The following PCDHA1 variants were observed in gnomAD, a reference collection of about 807,000 sequenced individuals.
The protein encoded by PCDHA1 is protocadherin alpha-1.
Under a neutral mutation model 61.3 loss-of-function variants are expected in PCDHA1, and 42 were observed. The ratio of observed to expected loss-of-function variants is 0.69; its 90% CI spans 0.54 to 0.89. The LOEUF (loss-of-function observed/expected upper bound fraction) is 0.89, where lower values mean the gene tolerates loss of function less well. Ranked by LOEUF, PCDHA1 falls within the 40% of genes least tolerant of loss-of-function variation. The probability of loss-of-function intolerance (pLI) is 0.00; values close to 1 mark genes in which losing one functional copy is unlikely to be tolerated. For synonymous variants in PCDHA1, 610 were observed against 553.8 expected, an observed-to-expected ratio of 1.10 and a Z score of -1.43; for missense variants, 1,256 against 1,235.3, an observed-to-expected ratio of 1.02 and a Z score of -0.25.
chr5:140,999,144 G>A (rs2097848915), intron 3 of PCDHA1, among the ~76,000 whole-genome samples: 1 of 152,200 alleles, frequency 6.6e-6, no homozygotes, highest in Non-Finnish European at 1.5e-5. Context: ...ACAGCCGGAA[G>A]TCTTCAGTCC....
At chr5:140,897,863 T>C (rs1432232591) in intron 1 of PCDHA1, among the ~76,000 whole-genome samples, 6 of 152,206 alleles carry the variant, frequency 3.9e-5, no homozygotes, top group Admixed American at 3.9e-4. Flanking sequence ...GTTTCCTGAC[T>C]TTTTAATGAT....
chr5:140,847,295 C>G (rs1780942719), intron 1 of PCDHA1, among the ~76,000 whole-genome samples: 1 of 149,718 alleles, frequency 6.7e-6, no homozygotes, highest in Non-Finnish European at 1.5e-5. Flanking sequence ...AACTCAGAAG[C>G]TCCTGCAGTA....
intron 3 of PCDHA1, among the ~76,000 whole-genome samples, chr5:141,000,775 C>G (rs919489031): frequency 5.3e-5 from 8 of 151,752 alleles, no homozygotes; most frequent in African/African-American, 1.9e-4. Context: ...GGCATAGTGG[C>G]GCACACCTGT....
intron 1 of PCDHA1, among the ~76,000 whole-genome samples, chr5:140,846,908 T>C (rs991688618): frequency 6.7e-6 from 1 of 149,590 alleles, no homozygotes; most frequent in Admixed American, 6.7e-5. Flanking sequence ...TGAAAGACAA[T>C]CATTTCCTAT....
intron 1 of PCDHA1, among the ~76,000 whole-genome samples, chr5:140,899,097 T>A (rs1160754058): frequency 2.0e-5 from 3 of 151,826 alleles, no homozygotes; most frequent in Non-Finnish European, 4.4e-5. Flanking sequence ...TGGGCTGAGA[T>A]AATGGGGTTT....
intron 1 of PCDHA1, among the ~76,000 whole-genome samples, chr5:140,973,724 G>T (rs1272606867): frequency 6.6e-6 from 1 of 152,176 alleles, no homozygotes; most frequent in Non-Finnish European, 1.5e-5. Context: ...CATCACATGG[G>T]CATCTGGTCT....
rs149448038 is a variant in PCDHA1 at position 140,843,600 on chromosome 5, C to T, written c.2394+54916C>T. On this transcript the variant is annotated intron_variant, in intron 1 of 3. Coordinates refer to ENST00000504120, the MANE Select transcript of PCDHA1 (RefSeq NM_018900.4). Reference sequence around the variant, plus strand: ...CAACAACAGCCGCAGAGGGTGTGCTCTGGTGAGGGGCCACCGAAGACGGAC... The same window carrying T: ...CAACAACAGCCGCAGAGGGTGTGCTTTGGTGAGGGGCCACCGAAGACGGAC... The T allele has an allele frequency of 1.0e-4, 165 of 1,596,060 alleles. 9 individuals are homozygous for T. The African/African-American group carries it at 2.0e-3, about 20-fold the overall frequency.
rs1554150747 is a variant in PCDHA1, at chr5:140,857,851, A to G, written c.2394+69167A>G. 5 of 1,597,646 alleles carry G rather than the reference A, an allele frequency of 3.1e-6. 1 individual carries two copies. Among genetic ancestry groups the G allele is most frequent in the Non-Finnish European group, 4.3e-6 (5 of 1,167,500 alleles). ...TGCGCGCAGTGGACGCTGACTCTGG[A>G]TACAACGCGTGGCTGTCGTATGAAT... On this transcript the variant is annotated intron_variant, in intron 1 of 3. Transcript: ENST00000504120.
intron 1 of PCDHA1, among the ~76,000 whole-genome samples, chr5:140,826,123 C>G (rs1018689969): frequency 6.6e-6 from 1 of 152,152 alleles, no homozygotes; most frequent in Non-Finnish European, 1.5e-5. Context: ...TTCCTAATAT[C>G]CTGAGCTACT....
chr5:140,820,250 A>G (rs2150106374), intron 1 of PCDHA1, among the ~76,000 whole-genome samples: 2 of 152,032 alleles, frequency 1.3e-5, no homozygotes, highest in African/African-American at 4.8e-5. Context: ...TAAAAATCTT[A>G]TAAGGGAACT....
intron 1 of PCDHA1, among the ~76,000 whole-genome samples, chr5:140,956,813 T>C (rs1306502330): frequency 6.6e-6 from 1 of 152,176 alleles, no homozygotes; most frequent in African/African-American, 2.4e-5. Context: ...TATTATTGCT[T>C]CAATTTGTAA....
At chr5:140,841,233 G>A (rs1777106384) in intron 1 of PCDHA1, 2 of 1,469,626 alleles carry the variant, frequency 1.4e-6, no homozygotes, top group Admixed American at 2.3e-5. Flanking sequence ...AACGGGAGAT[G>A]CAGCGGAATT....
At chr5:140,917,352 C>G (rs2078160172) in intron 1 of PCDHA1, among the ~76,000 whole-genome samples, 1 of 141,764 alleles carries the variant, frequency 7.1e-6, no homozygotes, top group African/African-American at 2.6e-5. Context: ...GTGTAGGCTT[C>G]TGTTCCACTA....
In PCDHA1 at chr5:140,924,907, AAAATAAAAT is replaced by A. The variant is rs1563068988; in HGVS notation, c.2395-54038_2395-54030del. 7.1e-4 allele frequency among the ~76,000 whole-genome samples: 36 copies of A among 50,968 alleles called. 1 individual carries two copies. The highest frequency in any genetic ancestry group is 1.7e-3 in the African/African-American group (12 of 7,266). The allele number at this position is 50,968 out of a possible 152,430, so 33.4% of individuals were successfully genotyped here. ...AAGAACCTGTCTCAAAAAAAAAAAT[AAAATAAAAT>A]AAAATAAAATAAAATAAAATAAAAA... On this transcript the variant is annotated intron_variant, in intron 1 of 3. Transcript: ENST00000504120.
At chr5:140,929,276 G>A (rs1554206920) in intron 1 of PCDHA1, 2 of 1,604,822 alleles carry the variant, frequency 1.2e-6, no homozygotes, top group African/African-American at 1.3e-5. Flanking sequence ...CCAATATCCT[G>A]TATTCAGATT....
At chr5:140,793,576 A>G (rs1408680507) in intron 1 of PCDHA1, among the ~76,000 whole-genome samples, 3 of 152,232 alleles carry the variant, frequency 2.0e-5, no homozygotes, top group African/African-American at 4.8e-5. Flanking sequence ...TCTTTGCTCT[A>G]GGAAGCTGAA....
At chr5:140,988,085 G>T (rs1490034264) in intron 3 of PCDHA1, among the ~76,000 whole-genome samples, 1 of 152,176 alleles carries the variant, frequency 6.6e-6, no homozygotes, top group East Asian at 1.9e-4. Flanking sequence ...ATGAGTGAGT[G>T]CAGCCTCGGG....
intron 1 of PCDHA1, chr5:140,869,808 C>A: frequency 6.2e-7 from 1 of 1,612,402 alleles, no homozygotes; most frequent in South Asian, 1.1e-5. Context: ...TCTTGGATGT[C>A]AACGACAATG....
chr5:140,848,583 C>T (rs2040479456), intron 1 of PCDHA1: 1 of 1,595,014 alleles, frequency 6.3e-7, no homozygotes, highest in Non-Finnish European at 8.6e-7. Flanking sequence ...GGGGAGCGGC[C>T]AGCTCCACTA....
Sources: gnomAD v4.1 joint callset for allele counts (sites outside exome capture counted in the v4.1 genomes callset) on GRCh38, gnomAD v4.1.1 for gene constraint, MANE v1.5 for transcripts, NCBI Gene and HGNC (gene_info 2026-07-23, HGNC 2026-07-21) for gene names.